The following RTKN2 variants were observed in gnomAD, a reference collection of about 807,000 sequenced individuals.
The protein encoded by RTKN2 is rhotekin 2.
In RTKN2, 69 loss-of-function variants were observed where a neutral mutation model predicts 71.5. That is an observed-to-expected ratio of 0.96 (90% confidence interval 0.79 to 1.18). The LOEUF is 1.18. Among genes scored for constraint, RTKN2 ranks in the 50% most tolerant of loss-of-function variants. RTKN2 has a pLI of 0.00. For missense variants in RTKN2, 724 were observed against 719.7 expected, an observed-to-expected ratio of 1.01 and a Z score of -0.07; for synonymous variants, 236 against 236.5, an observed-to-expected ratio of 1.00 and a Z score of 0.02.
chr10:62,203,100 C>T (rs865977999), intron 10 of RTKN2, among the ~76,000 whole-genome samples: 1 of 152,152 alleles, frequency 6.6e-6, no homozygotes, highest in South Asian at 2.1e-4. Context: ...GCAGAGGTTG[C>T]GGTGAGCCAA....
chr10:62,189,150 T>C (rs571261471), downstream of RTKN2, among the ~76,000 whole-genome samples: 4 of 151,432 alleles, frequency 2.6e-5, no homozygotes, highest in East Asian at 3.9e-4. Flanking sequence ...GCATTACCAA[T>C]GCTTTGGGCT....
downstream of RTKN2, among the ~76,000 whole-genome samples, chr10:62,192,733 GT>G (rs1240388187): frequency 6.6e-6 from 1 of 152,180 alleles, no homozygotes; most frequent in African/African-American, 2.4e-5. Flanking sequence ...GGAGCTAAGA[GT>G]GACCCCTAGC....
At chr10:62,204,343 T>C (rs1841505662) in intron 10 of RTKN2, among the ~76,000 whole-genome samples, 1 of 152,212 alleles carries the variant, frequency 6.6e-6, no homozygotes, top group Admixed American at 6.5e-5. Context: ...TATGTCCATG[T>C]CATTGGACTG....
rs1564536125 is a variant in RTKN2, at chr10:62,268,625, G to C, written c.-15C>G. Reference sequence around the variant, plus strand: ...GGCCCCTCCATCTCCAACGCGAACTGTCCGGGCCGTCGCCACTCCTTCAAA... The same window carrying C: ...GGCCCCTCCATCTCCAACGCGAACTCTCCGGGCCGTCGCCACTCCTTCAAA... On this transcript the variant is annotated 5_prime_UTR_variant, in exon 1 of 12. Coordinates refer to ENST00000373789, the MANE Select transcript of RTKN2 (RefSeq NM_145307.4). The C allele has an allele frequency of 1.3e-6, 2 of 1,552,576 alleles. No individual in the cohort carries two copies. The highest frequency in any genetic ancestry group is 1.7e-6 in the Non-Finnish European group (2 of 1,148,006).
intron 6 of RTKN2, among the ~76,000 whole-genome samples, chr10:62,224,759 A>G (rs1286874804): frequency 6.6e-6 from 1 of 152,074 alleles, no homozygotes; most frequent in Admixed American, 6.6e-5. Context: ...AAAAGAATCT[A>G]GCCAAGCAAA....
Position 62,217,166 on chromosome 10 carries a change from C to A in RTKN2, c.972G>T (p.Glu324Asp), listed in dbSNP as rs1302597762. 4 of 1,601,758 alleles carry A rather than the reference C, an allele frequency of 2.5e-6. No homozygotes were observed. The highest frequency in any genetic ancestry group is 3.4e-6 in the Non-Finnish European group (4 of 1,174,428). ...CTGGTTCCACTTTAGCTTCAATTTCCTCTGGACTGTAAAAACAATAGAGTT... is the reference window on the plus strand; with the variant it reads ...CTGGTTCCACTTTAGCTTCAATTTCATCTGGACTGTAAAAACAATAGAGTT... ...GGKLYCFYSP[E>D]EIEAKVEPAL... The change falls in exon 9 of 12, where the codon GAG becomes GAT. Residue 324 changes from glutamate (E) to aspartate (D), a missense_variant. Physicochemically the swap from Glu to Asp is conservative, Grantham distance 45 (BLOSUM62 2). Coordinates refer to ENST00000373789, the MANE Select transcript of RTKN2 (RefSeq NM_145307.4).
At chr10:62,235,433 C>T (rs922779527) in intron 6 of RTKN2, among the ~76,000 whole-genome samples, 5 of 152,008 alleles carry the variant, frequency 3.3e-5, no homozygotes, top group African/African-American at 1.2e-4. Context: ...ATACATAGTT[C>T]CTTTCCAACA....
chr10:62,193,255 A>G lies in RTKN2; in HGVS notation c.*4653T>C. On this transcript the variant is annotated 3_prime_UTR_variant, in exon 12 of 12. Coordinates refer to ENST00000373789, the MANE Select transcript of RTKN2 (RefSeq NM_145307.4). ...AACCATCTGACATAATTATGTATAT[A>G]CAAGATCTTTTCAATCTACCTCTCC... The G allele has an allele frequency of 5.2e-6, 5 of 957,742 alleles. No homozygotes were observed. Among genetic ancestry groups the G allele is most frequent in the Non-Finnish European group, 6.2e-6 (5 of 804,776 alleles). 59.3% of individuals were successfully genotyped at this position (957,742 alleles called of 1,614,324 possible). A position where few individuals can be genotyped will look rare whatever the true frequency, so the allele number is the denominator to read the frequency against.
chr10:62,205,093 G>C, intron 9 of RTKN2, 71 bp from the exon 10 acceptor site: 1 of 1,171,544 alleles, frequency 8.5e-7, no homozygotes, highest in Admixed American at 2.5e-5. Flanking sequence ...ATGTTTTATT[G>C]CTTAGCTACC....
Position 62,195,976 on chromosome 10 carries a change from G to A in RTKN2, c.*1932C>T, listed in dbSNP as rs1841323634. On this transcript the variant is annotated 3_prime_UTR_variant, in exon 12 of 12. Coordinates refer to ENST00000373789, the MANE Select transcript of RTKN2 (RefSeq NM_145307.4). ...AAGTCCTTCCTGCTGTTATCTGCAT[G>A]AGGAAAAATGACAAGAATATAATCT... 1.0e-6 allele frequency: 1 copy of A among 984,744 alleles called. No homozygotes were observed. The highest frequency in any genetic ancestry group is 1.2e-6 in the Non-Finnish European group (1 of 829,632). The allele number at this position is 984,744 out of a possible 1,614,324, so 61.0% of individuals were successfully genotyped here.
rs867875677 is a variant in RTKN2, at chr10:62,197,467, T to C, written c.*441A>G. Reference sequence around the variant, plus strand: ...TGCTAAGAAAATTTTCTTGGGTGGATTCTATAATTTGTGGTTTGAATAAAA... The same window carrying C: ...TGCTAAGAAAATTTTCTTGGGTGGACTCTATAATTTGTGGTTTGAATAAAA... On this transcript the variant is annotated 3_prime_UTR_variant, in exon 12 of 12. Coordinates refer to ENST00000373789, the MANE Select transcript of RTKN2 (RefSeq NM_145307.4). 2.5e-5 allele frequency: 25 copies of C among 986,234 alleles called. No homozygotes were observed. The South Asian group carries it at 7.5e-4, about 30-fold the overall frequency. 61.1% of individuals were successfully genotyped at this position (986,234 alleles called of 1,614,324 possible). A position where few individuals can be genotyped will look rare whatever the true frequency, so the allele number is the denominator to read the frequency against.
At chr10:62,208,746 G>A (rs1426189977) in intron 9 of RTKN2, among the ~76,000 whole-genome samples, 1 of 152,070 alleles carries the variant, frequency 6.6e-6, no homozygotes, top group African/African-American at 2.4e-5. Flanking sequence ...GTACTTCAGG[G>A]TAACCAAATA....
chr10:62,243,943 TACC>T (rs1842430362), intron 3 of RTKN2, among the ~76,000 whole-genome samples: 1 of 152,214 alleles, frequency 6.6e-6, no homozygotes, highest in South Asian at 2.1e-4. Context: ...CTAAGCTAAT[TACC>T]ACAATATAAT....
At chr10:62,206,761 C>G (rs1027115547) in intron 9 of RTKN2, among the ~76,000 whole-genome samples, 5 of 151,884 alleles carry the variant, frequency 3.3e-5, no homozygotes, top group Non-Finnish European at 5.9e-5. Context: ...ATAATAGAGT[C>G]TTTTTACACT....
chr10:62,241,887 G>C (rs1047938846), intron 3 of RTKN2, among the ~76,000 whole-genome samples: 3 of 152,182 alleles, frequency 2.0e-5, no homozygotes, highest in African/African-American at 4.8e-5. Context: ...TTTTAGGAGA[G>C]ATGGGGTTTT....
chr10:62,208,744 G>C (rs946940522), intron 9 of RTKN2, among the ~76,000 whole-genome samples: 1 of 152,040 alleles, frequency 6.6e-6, no homozygotes, highest in Non-Finnish European at 1.5e-5. Flanking sequence ...TTGTACTTCA[G>C]GGTAACCAAA....
intron 3 of RTKN2, among the ~76,000 whole-genome samples, 167 bp downstream of exon 3, chr10:62,245,832 A>G (rs1029682716): frequency 3.3e-5 from 5 of 152,128 alleles, no homozygotes; most frequent in African/African-American, 4.8e-5. Flanking sequence ...CTAAAGTTCT[A>G]TATCAATGTA....
At chr10:62,240,097 T>A (rs1842342688) in intron 4 of RTKN2, among the ~76,000 whole-genome samples, 1 of 152,076 alleles carries the variant, frequency 6.6e-6, no homozygotes, top group Admixed American at 6.6e-5. Flanking sequence ...TGCGCGGGCA[T>A]GCAAGCGTGC....
intron 2 of RTKN2, among the ~76,000 whole-genome samples, chr10:62,249,068 G>A (rs182607852): frequency 5.1e-4 from 77 of 151,870 alleles, no homozygotes; most frequent in Non-Finnish European, 8.7e-4. Context: ...AAATAAAATC[G>A]GTAATGTCTT....
Sources: allele counts gnomAD v4.1 joint callset (sites outside exome capture counted in the v4.1 genomes callset), GRCh38; gene constraint gnomAD v4.1.1; transcripts MANE v1.5; gene names NCBI Gene and HGNC (gene_info 2026-07-23, HGNC 2026-07-21).